Variants in BRINP3 observed in about 807,000 individuals in gnomAD.
The protein encoded by BRINP3 is BMP/retinoic acid inducible neural specific 3.
BRINP3 carries 19 observed loss-of-function variants against 71.0 expected under a neutral mutation model. The observed-to-expected ratio is 0.27, with a 90% CI of 0.19 to 0.39. BRINP3 has a LOEUF of 0.39. BRINP3 is among the 10% of genes least tolerant of loss of function. BRINP3 has a pLI of 1.00. For synonymous variants in BRINP3, 380 were observed against 337.7 expected (o/e 1.13, Z -1.37); for missense variants, 959 against 940.8 (o/e 1.02, Z -0.25).
At chr1:190,332,059 A>G (rs192993396) in intron 2 of BRINP3, among the ~76,000 whole-genome samples, 173 of 152,192 alleles carry the variant, frequency 1.1e-3, no homozygotes, top group African/African-American at 4.0e-3. Flanking sequence ...GCCATTTACA[A>G]TAAGACAAAC....
At chr1:190,406,730 C>T (rs1672308143) in intron 2 of BRINP3, among the ~76,000 whole-genome samples, 1 of 152,094 alleles carries the variant, frequency 6.6e-6, no homozygotes, top group Non-Finnish European at 1.5e-5. Context: ...ATAAGTGTTA[C>T]ATGTAAACTC....
intron 7 of BRINP3, among the ~76,000 whole-genome samples, chr1:190,146,485 T>C (rs1409755619): frequency 2.6e-5 from 4 of 152,176 alleles, no homozygotes; most frequent in African/African-American, 9.6e-5. Context: ...ATATTCACTA[T>C]TTTAATTACT....
At chr1:190,133,235 T>G (rs1654688433) in intron 7 of BRINP3, among the ~76,000 whole-genome samples, 1 of 152,164 alleles carries the variant, frequency 6.6e-6, no homozygotes, top group Admixed American at 6.6e-5. Context: ...TAAGAACTTG[T>G]AACACTGCAT....
intron 7 of BRINP3, among the ~76,000 whole-genome samples, chr1:190,129,274 T>C (rs1654339262): frequency 6.6e-6 from 1 of 151,776 alleles, no homozygotes; most frequent in Non-Finnish European, 1.5e-5. Flanking sequence ...TGTAAACCAA[T>C]TGTAAAATGT....
chr1:190,378,709 T>TAATTTGCA (rs1030604024), intron 2 of BRINP3, among the ~76,000 whole-genome samples: 11 of 152,310 alleles, frequency 7.2e-5, no homozygotes, highest in Non-Finnish European at 1.6e-4. Context: ...TTCTATCCAG[T>TAATTTGCA]AAATTTTTTT....
chr1:190,287,474 T>G (rs2102955012), intron 2 of BRINP3, among the ~76,000 whole-genome samples: 1 of 152,202 alleles, frequency 6.6e-6, no homozygotes, highest in East Asian at 1.9e-4. Flanking sequence ...ATTTTTTTTT[T>G]AAGCTTGGGA....
At chr1:190,388,061 G>C (rs995050581) in intron 2 of BRINP3, among the ~76,000 whole-genome samples, 4 of 151,698 alleles carry the variant, frequency 2.6e-5, no homozygotes, top group South Asian at 2.1e-4. Flanking sequence ...ATAAATATAA[G>C]CCATTCCCCA....
At chr1:190,297,711 A>C (rs1664353690) in intron 2 of BRINP3, among the ~76,000 whole-genome samples, 1 of 151,896 alleles carries the variant, frequency 6.6e-6, no homozygotes, top group Non-Finnish European at 1.5e-5. Context: ...CCAAACTTAC[A>C]ATGCTAGAAT....
At chr1:190,396,712 T>TTATATATATATATATATA (rs1558249085) in intron 2 of BRINP3, among the ~76,000 whole-genome samples, 63 of 38,290 alleles carry the variant, frequency 1.6e-3, no homozygotes, top group African/African-American at 5.7e-3. Flanking sequence ...CCTAATTTAA[T>TTATATATATATATATATA]GATATATATA....
intron 2 of BRINP3, among the ~76,000 whole-genome samples, chr1:190,368,516 TG>T (rs1183004394): frequency 6.6e-6 from 1 of 152,142 alleles, no homozygotes; most frequent in Non-Finnish European, 1.5e-5. Context: ...TCAAGAGTTT[TG>T]CCTAGGACTT....
At chr1:190,105,300 T>TACAC (rs894881081) in intron 7 of BRINP3, among the ~76,000 whole-genome samples, 1 of 151,552 alleles carries the variant, frequency 6.6e-6, no homozygotes, top group Non-Finnish European at 1.5e-5. Flanking sequence ...CACACACACA[T>TACAC]ACACACACAC....
At chr1:190,405,479 AAAAAAAAAAAAAAC>A (rs1458066547) in intron 2 of BRINP3, among the ~76,000 whole-genome samples, 10 of 92,812 alleles carry the variant, frequency 1.1e-4, no homozygotes, top group East Asian at 1.0e-3. Context: ...AAAAAAAAAA[AAAAAAAAAAAAAAC>A]CAGAATCAGA....
intron 2 of BRINP3, among the ~76,000 whole-genome samples, chr1:190,375,188 C>T (rs1670105933): frequency 6.6e-6 from 1 of 151,908 alleles, no homozygotes; most frequent in Admixed American, 6.6e-5. Context: ...GTCAATAACT[C>T]ATCTCACACT....
chr1:190,226,115 A>C lies in BRINP3; in HGVS notation c.928T>G (p.Trp310Gly). 5.6e-6 allele frequency: 9 copies of C among 1,607,780 alleles called. No homozygotes were observed. The highest frequency in any genetic ancestry group is 6.8e-6 in the Non-Finnish European group (8 of 1,176,334). The part of the protein sequence containing the change: ...EENLLRITET[W>G]KAYNSDFEES... ...TCAAAGTCACTGTTGTAAGCTTTCC[A>C]GGTTTCAGTTATTCGAAGAAGATTC... Residue 310 changes from tryptophan to glycine, a missense_variant, in exon 6 of 8, where the codon TGG (tryptophan) becomes GGG (glycine). Coordinates refer to ENST00000367462, the MANE Select transcript of BRINP3 (RefSeq NM_199051.3).
At chr1:190,398,805 G>T (rs765629845) in intron 2 of BRINP3, among the ~76,000 whole-genome samples, 3 of 151,998 alleles carry the variant, frequency 2.0e-5, no homozygotes, top group Non-Finnish European at 4.4e-5. Flanking sequence ...TAAATGGAAT[G>T]TTGTTCCCTC....
intron 2 of BRINP3, among the ~76,000 whole-genome samples, chr1:190,446,868 C>G (rs553929589): frequency 1.4e-4 from 21 of 152,064 alleles, no homozygotes; most frequent in African/African-American, 4.8e-4. Flanking sequence ...ATCTTTAAAT[C>G]CAGCATATCC....
At chr1:190,336,954 T>G (rs966086508) in intron 2 of BRINP3, among the ~76,000 whole-genome samples, 2 of 150,634 alleles carry the variant, frequency 1.3e-5, no homozygotes, top group Admixed American at 6.7e-5. Flanking sequence ...GAATATTTGG[T>G]GAAATAACTA....
chr1:190,242,675 T>C (rs1207676865), intron 4 of BRINP3, among the ~76,000 whole-genome samples: 2 of 152,100 alleles, frequency 1.3e-5, no homozygotes, highest in African/African-American at 4.8e-5. Context: ...GTTTTTTTAT[T>C]TGCCTTTTAC....
intron 7 of BRINP3, among the ~76,000 whole-genome samples, chr1:190,129,738 A>G (rs1242842688): frequency 6.6e-6 from 1 of 151,978 alleles, no homozygotes; most frequent in Non-Finnish European, 1.5e-5. Context: ...TTCTAGAGAA[A>G]TGTGTATATC....
Sources: gnomAD v4.1 joint callset for allele counts (sites outside exome capture counted in the v4.1 genomes callset) on GRCh38, gnomAD v4.1.1 for gene constraint, MANE v1.5 for transcripts, NCBI Gene and HGNC (gene_info 2026-07-23, HGNC 2026-07-21) for gene names.